The following RHOA variants were observed in gnomAD, a reference collection of about 807,000 sequenced individuals.
RHOA encodes transforming protein RhoA.
A neutral mutation model predicts 17.5 loss-of-function variants in RHOA; 3 were observed. The ratio of observed to expected loss-of-function variants is 0.17; its 90% confidence interval spans 0.08 to 0.44. The LOEUF (loss-of-function observed/expected upper bound fraction) is 0.44. RHOA is among the 20% of genes least tolerant of loss of function. The pLI, the probability that RHOA is intolerant of heterozygous loss-of-function variation, is 0.99. For missense variants in RHOA, 56 were observed against 242.3 expected, an observed-to-expected ratio of 0.23 and a Z score of 5.10; for synonymous variants, 98 against 88.4, an observed-to-expected ratio of 1.11 and a Z score of -0.61.
intron 1 of RHOA, among the ~76,000 whole-genome samples, chr3:49,405,093 C>CAA (rs72492742): frequency 4.5e-5 from 6 of 133,938 alleles, no homozygotes; most frequent in African/African-American, 1.6e-4. Context: ...ACTAAAAATA[C>CAA]AAAAAAAAAA....
chr3:49,360,062 G>T lies in RHOA; in HGVS notation c.*147C>A. On this transcript the variant is annotated 3_prime_UTR_variant, in exon 5 of 5. Transcript: ENST00000418115. The stretch of plus-strand genomic sequence containing the variant: ...TTGGACATCGTTAATAATCATAGTT[G>T]GCTTCTAAATACTGGTAGCAAGATG... The T allele has an allele frequency of 2.2e-6, 2 of 912,662 alleles. No individual in the cohort carries two copies. The highest frequency in any genetic ancestry group is 3.2e-6 in the Non-Finnish European group (2 of 623,986). The allele number at this position is 912,662 out of a possible 1,614,324, so 56.5% of individuals were successfully genotyped here.
At chr3:49,367,753 C>G (rs989258380) in intron 3 of RHOA, among the ~76,000 whole-genome samples, 1 of 151,936 alleles carries the variant, frequency 6.6e-6, no homozygotes, top group Non-Finnish European at 1.5e-5. Flanking sequence ...AACTCCTGAC[C>G]TCAGGTGATC....
At chr3:49,368,088 T>G (rs1354742846) in intron 3 of RHOA, among the ~76,000 whole-genome samples, 1 of 151,886 alleles carries the variant, frequency 6.6e-6, no homozygotes, top group Non-Finnish European at 1.5e-5. Context: ...TTTTTTGTAC[T>G]TTTAGTAAAG....
chr3:49,407,670 T>C (rs2048857578), intron 1 of RHOA, among the ~76,000 whole-genome samples: 1 of 152,144 alleles, frequency 6.6e-6, no homozygotes, highest in Non-Finnish European at 1.5e-5. Context: ...TTCTAAAGAA[T>C]ATCTAAATGA....
chr3:49,410,462 A>G (rs960224683), intron 1 of RHOA, among the ~76,000 whole-genome samples: 1 of 152,214 alleles, frequency 6.6e-6, no homozygotes, highest in Non-Finnish European at 1.5e-5. Flanking sequence ...ACTCAAACCA[A>G]GGTGCACCTT....
chr3:49,369,604 G>A (rs1056826996), intron 2 of RHOA, among the ~76,000 whole-genome samples: 5 of 151,740 alleles, frequency 3.3e-5, no homozygotes, highest in Admixed American at 6.6e-5. Flanking sequence ...GCACGGCAGC[G>A]TGCGCCTGTA....
chr3:49,386,832 AC>A (rs1365225074), intron 1 of RHOA, among the ~76,000 whole-genome samples: 1 of 151,684 alleles, frequency 6.6e-6, no homozygotes, highest in African/African-American at 2.4e-5. Context: ...CTGTTACATG[AC>A]CGGGCGTGGC....
chr3:49,398,593 G>A (rs1207021552), intron 1 of RHOA, among the ~76,000 whole-genome samples: 1 of 150,506 alleles, frequency 6.6e-6, no homozygotes, highest in Non-Finnish European at 1.5e-5. Context: ...GGAGGCCAAG[G>A]CGGGTGGATC....
chr3:49,396,484 G>A (rs2048618447), intron 1 of RHOA, among the ~76,000 whole-genome samples: 1 of 151,916 alleles, frequency 6.6e-6, no homozygotes, highest in Non-Finnish European at 1.5e-5. Flanking sequence ...CAAGGTGGGC[G>A]GATCACGAGG....
At chr3:49,390,136 ATT>A (rs545957679) in intron 1 of RHOA, among the ~76,000 whole-genome samples, 1 of 145,554 alleles carries the variant, frequency 6.9e-6, no homozygotes, top group African/African-American at 2.5e-5. Context: ...GTTGTCAGGA[ATT>A]TTTTTTTTTT....
At chr3:49,400,645 C>A (rs1264720883) in intron 1 of RHOA, among the ~76,000 whole-genome samples, 1 of 151,900 alleles carries the variant, frequency 6.6e-6, no homozygotes, top group Non-Finnish European at 1.5e-5. Flanking sequence ...CCCTTGAGCC[C>A]AGGAGTTCAA....
chr3:49,386,155 C>G (rs1440236579), intron 1 of RHOA, among the ~76,000 whole-genome samples: 1 of 152,128 alleles, frequency 6.6e-6, no homozygotes, highest in African/African-American at 2.4e-5. Flanking sequence ...ATCTACAGAT[C>G]GATTTGGGGA....
intron 1 of RHOA, among the ~76,000 whole-genome samples, chr3:49,396,483 C>A (rs558299028): frequency 3.3e-5 from 5 of 151,802 alleles, no homozygotes; most frequent in East Asian, 3.9e-4. Context: ...CCAAGGTGGG[C>A]GGATCACGAG....
intron 1 of RHOA, among the ~76,000 whole-genome samples, chr3:49,393,676 CTGTGTGTGTGTGTGTGTGTG>C (rs71080504): frequency 9.7e-5 from 1 of 10,360 alleles, no homozygotes; most frequent in African/African-American, 2.4e-4. Context: ...AATTCTCTCT[CTGTGTGTGTGTGTGTGTGTG>C]TGTGTGTGTG....
At chr3:49,391,166 C>T (rs999437585) in intron 1 of RHOA, among the ~76,000 whole-genome samples, 2 of 150,204 alleles carry the variant, frequency 1.3e-5, no homozygotes, top group African/African-American at 2.4e-5. Flanking sequence ...TGCAGTGAGC[C>T]GAGATCGCAC....
chr3:49,386,922 G>A (rs1202047097), intron 1 of RHOA, among the ~76,000 whole-genome samples: 2 of 149,872 alleles, frequency 1.3e-5, no homozygotes, highest in East Asian at 2.0e-4. Flanking sequence ...AGACCAGTCT[G>A]GCCAACATGG....
chr3:49,366,049 T>C (rs1298343790), intron 3 of RHOA, among the ~76,000 whole-genome samples: 1 of 152,118 alleles, frequency 6.6e-6, no homozygotes, highest in African/African-American at 2.4e-5. Context: ...AGCGAGACCC[T>C]GTCTCAAAAA....
At chr3:49,393,732 C>T (rs1276136192) in intron 1 of RHOA, among the ~76,000 whole-genome samples, 2 of 124,836 alleles carry the variant, frequency 1.6e-5, no homozygotes, top group South Asian at 2.5e-4. Flanking sequence ...GTGTGTGTGA[C>T]AGAATCTCGC....
chr3:49,372,671 T>C (rs1435979408), intron 2 of RHOA, among the ~76,000 whole-genome samples: 1 of 147,068 alleles, frequency 6.8e-6, no homozygotes, highest in African/African-American at 2.6e-5. Context: ...GAGGCAGAGG[T>C]TGCAGTTAGC....
Sources: gnomAD v4.1 joint callset for allele counts (sites outside exome capture counted in the v4.1 genomes callset) on GRCh38, gnomAD v4.1.1 for gene constraint, MANE v1.5 for transcripts, NCBI Gene and HGNC (gene_info 2026-07-23, HGNC 2026-07-21) for gene names.